Variants in SPTB observed in about 807,000 individuals in gnomAD.
SPTB encodes the protein spectrin beta, erythrocytic, also known as spectrin beta chain, erythrocytic.
SPTB carries 45 observed loss-of-function variants against 256.2 expected under a neutral mutation model. The observed-to-expected ratio is 0.18, with a 90% CI of 0.14 to 0.23. SPTB has a LOEUF of 0.23. Among genes scored for constraint, SPTB ranks in the 10% least tolerant of loss-of-function variants. SPTB has a pLI of 1.00. For synonymous variants in SPTB, 1,231 were observed against 1,243.1 expected, an observed-to-expected ratio of 0.99 and a Z score of 0.21; for missense variants, 2,715 against 3,040.4, an observed-to-expected ratio of 0.89 and a Z score of 2.52.
In SPTB at chr14:64,792,875, A is replaced by G; in HGVS notation, c.2666+122T>C. The G allele has an allele frequency of 1.4e-6, 2 of 1,399,064 alleles. No homozygotes were observed. The highest frequency in any genetic ancestry group is 2.0e-6 in the Non-Finnish European group (2 of 1,010,188). The allele number at this position is 1,399,064 out of a possible 1,614,324, so 86.7% of individuals were successfully genotyped here. A position where few individuals can be genotyped will look rare whatever the true frequency, so the allele number is the denominator to read the frequency against. ...CTCCTAATGCCAGGACTTTGCAACA[A>G]AGGACATCCCAGGGCCTCTCAAAGA... On this transcript the variant is annotated intron_variant, in intron 14 of 35. Transcript: ENST00000644917. The surrounding 1 kb of genome is among the most constrained non-coding windows in gnomAD (Gnocchi z 4.2).
intron 8 of SPTB, among the ~76,000 whole-genome samples, chr14:64,800,248 G>A (rs2082857419): frequency 6.6e-6 from 1 of 152,214 alleles, no homozygotes; most frequent in African/African-American, 2.4e-5. Flanking sequence ...AGGGGGCCAG[G>A]GTTTTGTTTA....
At chr14:64,767,052 C>T (rs972580959) in intron 31 of SPTB, among the ~76,000 whole-genome samples, 63 of 152,316 alleles carry the variant, frequency 4.1e-4, no homozygotes, top group African/African-American at 1.5e-3. Flanking sequence ...CAGGTGGCTC[C>T]GAGGTGGGGC....
At chr14:64,872,511 C>G (rs1354917662) in intron 1 of SPTB, among the ~76,000 whole-genome samples, 1 of 152,222 alleles carries the variant, frequency 6.6e-6, no homozygotes, top group East Asian at 1.9e-4. Flanking sequence ...GACACTTGGA[C>G]TAAAACTCAA....
At chr14:64,809,181 G>A (rs1245322146) in intron 2 of SPTB, among the ~76,000 whole-genome samples, 5 of 144,658 alleles carry the variant, frequency 3.5e-5, no homozygotes, top group Non-Finnish European at 7.5e-5. Context: ...AGAATTGTTT[G>A]AACTCAGGAG....
In SPTB at chr14:64,803,748, G is replaced by A. The variant is rs771255059; in HGVS notation, c.333C>T (p.His111=). The part of the protein sequence containing the change: ...PKPTKGKMRI[H]CLENVDKALQ... ...GAGCCTTGTCCACATTCTCCAGGCA[G>A]TGGATGCGCATCTTCCCCTTGGTGG... The change falls in exon 4 of 36, where the codon CAC becomes CAT. Residue 111 remains histidine, a synonymous_variant. Transcript: ENST00000644917. 10 of 1,613,734 alleles carry A rather than the reference G, an allele frequency of 6.2e-6. No homozygotes were observed. The African/African-American group carries it at 1.1e-4, about 17-fold the overall frequency.
intron 33 of SPTB, chr14:64,750,389 CAGAT>C (rs1022865635): frequency 1.9e-4 from 95 of 504,816 alleles, no homozygotes; most frequent in Admixed American, 3.0e-4. Context: ...TTACTAGTCA[CAGAT>C]AGCTAAAACT....
chr14:64,749,023 G>A lies in SPTB; in HGVS notation c.*283C>T, dbSNP rs2081895846. 2 of 347,730 alleles carry A rather than the reference G, an allele frequency of 5.8e-6. No homozygotes were observed. The highest frequency in any genetic ancestry group is 4.5e-5 in the African/African-American group (2 of 43,986). The allele number at this position is 347,730 out of a possible 1,614,324, so 21.5% of individuals were successfully genotyped here. A position where few individuals can be genotyped will look rare whatever the true frequency, so the allele number is the denominator to read the frequency against. On this transcript the variant is annotated 3_prime_UTR_variant, in exon 36 of 36. Transcript: ENST00000644917. The surrounding 1 kb of genome is among the most constrained non-coding windows in gnomAD (Gnocchi z 4.7). ...GTGGGAGAGGAGGGCGTGTGCCTCA[G>A]AGAACCGTTTCCTGCCCCCAGGCCT...
Position 64,759,994 on chromosome 14 carries a change from C to T in SPTB, c.6346-6201G>A, listed in dbSNP as rs1479328394. Among the ~76,000 whole-genome samples, 3 of 152,030 alleles carry T rather than the reference C, an allele frequency of 2.0e-5. No individual in the cohort carries two copies. The highest frequency in any genetic ancestry group is 1.3e-4 in the Admixed American group (2 of 15,276). ...GAGCTGTGTGTACTGGCTGTGGGATCATGACATCAGAGGAGGGCAGGGGAC... is the reference window on the plus strand; with the variant it reads ...GAGCTGTGTGTACTGGCTGTGGGATTATGACATCAGAGGAGGGCAGGGGAC... On this transcript the variant is annotated intron_variant, in intron 32 of 35. Coordinates refer to ENST00000644917, the MANE Select transcript of SPTB (RefSeq NM_001355436.2). The surrounding 1 kb of genome is among the most constrained non-coding windows in gnomAD (Gnocchi z 4.8).
At position 64,779,501 on chromosome 14, in the gene SPTB, T is replaced by G. The variant is rs1420361107; in HGVS notation, c.4473+224A>C. On this transcript the variant is annotated intron_variant, in intron 21 of 35. Coordinates refer to ENST00000644917, the MANE Select transcript of SPTB (RefSeq NM_001355436.2). The surrounding 1 kb of genome is among the most constrained non-coding windows in gnomAD (Gnocchi z 4.2). ...CGAACCCAAGTCTGTCTGACCCAAG[T>G]CCATGCTCTTCACCGAGCAATACTA... 1.3e-5 allele frequency among the ~76,000 whole-genome samples: 2 copies of G among 152,190 alleles called. No homozygotes were observed. The highest frequency in any genetic ancestry group is 4.8e-5 in the African/African-American group (2 of 41,440).
chr14:64,847,350 C>G lies in SPTB; in HGVS notation c.-51-24205G>C, dbSNP rs1470083276. Reference sequence around the variant, plus strand: ...AATGGGCGGAACAAATCAGACAGCCCTCTTCCAAGTGTCGTATCATGTCTC... The same window carrying G: ...AATGGGCGGAACAAATCAGACAGCCGTCTTCCAAGTGTCGTATCATGTCTC... On this transcript the variant is annotated intron_variant, in intron 1 of 35. Coordinates refer to ENST00000644917, the MANE Select transcript of SPTB (RefSeq NM_001355436.2). The surrounding 1 kb of genome is among the most constrained non-coding windows in gnomAD (Gnocchi z 5.9). 1.3e-5 allele frequency among the ~76,000 whole-genome samples: 2 copies of G among 152,220 alleles called. No homozygotes were observed. The highest frequency in any genetic ancestry group is 2.9e-5 in the Non-Finnish European group (2 of 68,046).
chr14:64,765,904 T>G (rs954441128), intron 32 of SPTB, among the ~76,000 whole-genome samples: 4 of 147,334 alleles, frequency 2.7e-5, no homozygotes, highest in Non-Finnish European at 4.5e-5. Flanking sequence ...TGTGTGTGTG[T>G]GTGGGGGTGT....
chr14:64,792,455 C>T lies in SPTB; in HGVS notation c.2666+542G>A, dbSNP rs1189968225. Among the ~76,000 whole-genome samples, 3 of 152,168 alleles carry T rather than the reference C, an allele frequency of 2.0e-5. No homozygotes were observed. Among genetic ancestry groups the T allele is most frequent in the African/African-American group, 7.2e-5 (3 of 41,440 alleles). ...GAGCGGCCTCTCCTTCTCCTGACTGCCTGAATTCTGTGCTTCAGCTGCTGA... is the reference window on the plus strand; with the variant it reads ...GAGCGGCCTCTCCTTCTCCTGACTGTCTGAATTCTGTGCTTCAGCTGCTGA... On this transcript the variant is annotated intron_variant, in intron 14 of 35. Coordinates refer to ENST00000644917, the MANE Select transcript of SPTB (RefSeq NM_001355436.2). This position sits in a 1 kb window ranked among gnomAD's most constrained non-coding sequence, Gnocchi z 4.2.
chr14:64,822,681 C>T (rs959668368), intron 2 of SPTB, among the ~76,000 whole-genome samples: 3 of 152,144 alleles, frequency 2.0e-5, no homozygotes, highest in African/African-American at 7.2e-5. Context: ...CTCACTTGGC[C>T]GCAGGTCACT....
chr14:64,775,094 AC>A lies in SPTB; in HGVS notation c.4842+30del, dbSNP rs778059738. ...CTCAACTCTTCCTCTCTGCCTGGGC[AC>A]CCTGGCTGGTATCCCCTGCCCGAAC... On this transcript the variant is annotated intron_variant, in intron 23 of 35. Transcript: ENST00000644917. The surrounding 1 kb of genome is among the most constrained non-coding windows in gnomAD (Gnocchi z 5.0). 22 of 1,613,472 alleles carry A rather than the reference AC, an allele frequency of 1.4e-5. No homozygotes were observed. In the African/African-American group the frequency reaches 2.9e-4, roughly 22 times the overall value.
chr14:64,815,348 G>A (rs1415712320), intron 2 of SPTB, among the ~76,000 whole-genome samples: 3 of 152,184 alleles, frequency 2.0e-5, no homozygotes, highest in African/African-American at 4.8e-5. Context: ...ATAGGGGCCC[G>A]AGGGCTGCAG....
At chr14:64,767,282 G>C in intron 31 of SPTB, 21 bp downstream of exon 31, 5 of 1,613,712 alleles carry the variant, frequency 3.1e-6, no homozygotes, top group Non-Finnish European at 4.2e-6. Context: ...TCAGCTCCCT[G>C]GACACACGGC....
intron 1 of SPTB, among the ~76,000 whole-genome samples, chr14:64,838,123 T>C (rs1323309254): frequency 6.6e-6 from 1 of 152,304 alleles, no homozygotes; most frequent in East Asian, 1.9e-4. Flanking sequence ...ATATGGCCAA[T>C]TATTTCCAAC....
chr14:64,798,433 T>C (rs765285979), intron 9 of SPTB, among the ~76,000 whole-genome samples: 1 of 152,162 alleles, frequency 6.6e-6, no homozygotes, highest in Admixed American at 6.5e-5. Flanking sequence ...GAGACAAGAA[T>C]TGTCAGCAGG....
intron 1 of SPTB, among the ~76,000 whole-genome samples, chr14:64,843,793 C>T (rs1352407245): frequency 1.3e-5 from 2 of 152,142 alleles, no homozygotes; most frequent in African/African-American, 4.8e-5. Context: ...TAGCAATAGT[C>T]ACCGCCTGCT....
Sources: gnomAD v4.1 joint callset for allele counts (sites outside exome capture counted in the v4.1 genomes callset) on GRCh38, gnomAD v4.1.1 for gene constraint, Gnocchi (gnomAD v3.1) non-coding constraint, MANE v1.5 for transcripts, NCBI Gene and HGNC (gene_info 2026-07-23, HGNC 2026-07-21) for gene names.